The following RGS5 variants were observed in gnomAD, a reference collection of about 807,000 sequenced individuals.
RGS5 encodes the protein regulator of G-protein signalling 5.
Under a neutral mutation model 18.9 loss-of-function variants are expected in RGS5, and 20 were observed. The ratio of observed to expected loss-of-function variants is 1.06; its 90% CI spans 0.74 to 1.54. The LOEUF (loss-of-function observed/expected upper bound fraction) is 1.54, where lower values mean the gene tolerates loss of function less well. RGS5 is among the 40% of genes most tolerant of loss of function. The pLI, the probability that RGS5 is intolerant of heterozygous loss-of-function variation, is 0.00. For synonymous variants in RGS5, 57 were observed against 76.2 expected, an observed-to-expected ratio of 0.75 and a Z score of 1.31; for missense variants, 201 against 211.8, an observed-to-expected ratio of 0.95 and a Z score of 0.32.
chr1:163,289,026 C>G (rs1003962624), intron 2 of RGS5, among the ~76,000 whole-genome samples: 10 of 152,150 alleles, frequency 6.6e-5, no homozygotes, highest in Non-Finnish European at 1.3e-4. Context: ...CTGGGCTACC[C>G]TAGTTACTTC....
chr1:163,211,517 G>C (rs187722117), intron 1 of RGS5: 2 of 152,082 alleles, frequency 1.3e-5, no homozygotes, highest in African/African-American at 4.8e-5. Context: ...AGCTCTTTTC[G>C]CTTGGTTCAT....
At chr1:163,228,367 T>C (rs1647388230) in intron 2 of RGS5, among the ~76,000 whole-genome samples, 1 of 152,270 alleles carries the variant, frequency 6.6e-6, no homozygotes, top group Admixed American at 6.5e-5. Flanking sequence ...CTGCCAAGGC[T>C]TGGGGCTTTC....
At chr1:163,271,952 C>T (rs1354583655) in intron 2 of RGS5, among the ~76,000 whole-genome samples, 1 of 152,032 alleles carries the variant, frequency 6.6e-6, no homozygotes, top group Non-Finnish European at 1.5e-5. Context: ...CTCAACAATG[C>T]TTTGTATTGT....
At chr1:163,246,197 G>T (rs1481757513) in intron 2 of RGS5, among the ~76,000 whole-genome samples, 2 of 150,720 alleles carry the variant, frequency 1.3e-5, no homozygotes, top group East Asian at 3.9e-4. Context: ...CTCCAGCCTG[G>T]GCGACAGAGC....
intron 2 of RGS5, among the ~76,000 whole-genome samples, chr1:163,282,221 C>G (rs1236506403): frequency 6.9e-6 from 1 of 145,716 alleles, no homozygotes; most frequent in Non-Finnish European, 1.5e-5. Flanking sequence ...AATATACGAA[C>G]AACTCAACTC....
At chr1:163,149,852 C>A (rs549458972) in intron 4 of RGS5, among the ~76,000 whole-genome samples, 2 of 152,128 alleles carry the variant, frequency 1.3e-5, no homozygotes, top group African/African-American at 4.8e-5. Flanking sequence ...CATCAAAATA[C>A]AAAAGTTGGA....
intron 2 of RGS5, among the ~76,000 whole-genome samples, chr1:163,273,118 C>CA (rs201259505): frequency 0.023 from 3,459 of 151,484 alleles, 51 homozygotes; most frequent in Non-Finnish European, 0.033. Context: ...TAATTTTCTT[C>CA]AAAAAAAATG....
rs369676640 is a variant in RGS5, at chr1:163,178,998, TGAGA to T, written c.45-10634_45-10631del. Among the ~76,000 whole-genome samples the T allele has an allele frequency of 7.8e-4, 119 of 152,336 alleles. 2 individuals carry two copies. Among genetic ancestry groups the T allele is most frequent in the African/African-American group, 2.5e-3 (102 of 41,576 alleles). On this transcript the variant is annotated intron_variant, in intron 1 of 4. Coordinates refer to ENST00000313961, the MANE Select transcript of RGS5 (RefSeq NM_003617.4). ...AATTGTGTTAAATCTTCCCCACATT[TGAGA>T]GAGACAATGTCCAACTCCCAACTGT...
Position 163,242,672 on chromosome 1 carries a change from G to C in RGS5, c.-281+63561C>G, listed in dbSNP as rs116001798. 1.9e-3 allele frequency among the ~76,000 whole-genome samples: 290 copies of C among 152,288 alleles called. 4 individuals carry two copies. The highest frequency in any genetic ancestry group is 6.7e-3 in the African/African-American group (280 of 41,572). On this transcript the variant is annotated intron_variant, in intron 2 of 5. Coordinates refer to the RGS5 transcript ENST00000618415. Reference sequence around the variant, plus strand: ...CAGTCAGGAAATTGTGTGTATATTGGTGGGAATGATGGTAGCCTACTATGA... The same window carrying C: ...CAGTCAGGAAATTGTGTGTATATTGCTGGGAATGATGGTAGCCTACTATGA...
chr1:163,273,800 G>GA (rs1286078175), intron 2 of RGS5, among the ~76,000 whole-genome samples: 2 of 152,004 alleles, frequency 1.3e-5, no homozygotes, highest in Non-Finnish European at 2.9e-5. Context: ...AGTATCTTGG[G>GA]ATCTTTATTT....
intron 1 of RGS5, among the ~76,000 whole-genome samples, chr1:163,317,331 G>A (rs1023261850): frequency 6.6e-6 from 1 of 152,194 alleles, no homozygotes; most frequent in African/African-American, 2.4e-5. Flanking sequence ...AAATAGGGTA[G>A]TCCCTGTCTT....
intron 2 of RGS5, among the ~76,000 whole-genome samples, chr1:163,295,657 T>C (rs1448652991): frequency 6.6e-6 from 1 of 152,214 alleles, no homozygotes; most frequent in Non-Finnish European, 1.5e-5. Context: ...CCAAGATTCT[T>C]TATACTTTTT....
chr1:163,180,686 GT>G (rs1026995196), intron 1 of RGS5, among the ~76,000 whole-genome samples: 203 of 61,964 alleles, frequency 3.3e-3, no homozygotes, highest in East Asian at 9.6e-3. Context: ...CCCTTACCCT[GT>G]TTTTTTTTTT....
chr1:163,172,035 C>T (rs189205832), intron 1 of RGS5, among the ~76,000 whole-genome samples: 18 of 152,184 alleles, frequency 1.2e-4, no homozygotes, highest in Admixed American at 5.9e-4. Context: ...AAAGAATGAG[C>T]GTTCCAGAGG....
At chr1:163,292,770 T>C (rs6701359) in intron 2 of RGS5, among the ~76,000 whole-genome samples, 1 of 152,334 alleles carries the variant, frequency 6.6e-6, no homozygotes, top group Non-Finnish European at 1.5e-5. Context: ...TAATGATCAG[T>C]GGTATTGAGC....
chr1:163,256,796 A>C (rs1050129683), intron 2 of RGS5, among the ~76,000 whole-genome samples: 3 of 152,218 alleles, frequency 2.0e-5, no homozygotes, highest in Non-Finnish European at 4.4e-5. Flanking sequence ...GGTAAGTGCA[A>C]GAAAGAGGTA....
chr1:163,308,795 T>C (rs547986233), intron 1 of RGS5, among the ~76,000 whole-genome samples: 18 of 152,308 alleles, frequency 1.2e-4, no homozygotes, highest in African/African-American at 4.1e-4. Context: ...CAGGTTCAGT[T>C]CCACACCACT....
intron 2 of RGS5, chr1:163,266,771 C>T (rs1223633645): frequency 6.6e-6 from 1 of 152,088 alleles, no homozygotes; most frequent in Non-Finnish European, 1.5e-5. Flanking sequence ...GCATTTATCT[C>T]CCCCTCTTGA....
At chr1:163,295,594 C>A (rs1649402299) in intron 2 of RGS5, among the ~76,000 whole-genome samples, 1 of 152,148 alleles carries the variant, frequency 6.6e-6, no homozygotes, top group Admixed American at 6.5e-5. Context: ...ATATTGGTTC[C>A]CAGATGAGTA....
Sources: gnomAD v4.1 joint callset for allele counts (sites outside exome capture counted in the v4.1 genomes callset) on GRCh38, gnomAD v4.1.1 for gene constraint, MANE v1.5 for transcripts, NCBI Gene and HGNC (gene_info 2026-07-23, HGNC 2026-07-21) for gene names.